Variants in NAALADL2 observed in about 807,000 individuals in gnomAD.
NAALADL2 encodes N-acetylated alpha-linked acidic dipeptidase like 2.
NAALADL2 carries 76 observed loss-of-function variants against 87.2 expected under a neutral mutation model. That is an observed-to-expected ratio of 0.87 (90% confidence interval 0.72 to 1.05). NAALADL2 has a LOEUF of 1.05. Among genes scored for constraint, NAALADL2 ranks in the 50% least tolerant of loss-of-function variants. The probability of loss-of-function intolerance (pLI) is 0.00; values close to 1 mark genes in which losing one functional copy is unlikely to be tolerated. For synonymous variants in NAALADL2, 354 were observed against 331.0 expected, an observed-to-expected ratio of 1.07 and a Z score of -0.75; for missense variants, 1,089 against 945.8, an observed-to-expected ratio of 1.15 and a Z score of -1.99.
chr3:175,697,872 TAC>T (rs1738128157), intron 11 of NAALADL2, among the ~76,000 whole-genome samples: 1 of 113,950 alleles, frequency 8.8e-6, no homozygotes, highest in Admixed American at 9.5e-5. Flanking sequence ...TATGTATGTA[TAC>T]ATATATATGT....
At chr3:174,972,923 G>A (rs903658279) in intron 1 of NAALADL2, among the ~76,000 whole-genome samples, 1 of 151,164 alleles carries the variant, frequency 6.6e-6, no homozygotes, top group African/African-American at 2.4e-5. Flanking sequence ...TTGAACCTGG[G>A]AGGCGGAGGT....
chr3:175,078,355 G>T (rs1480048442), intron 1 of NAALADL2, among the ~76,000 whole-genome samples: 4 of 152,010 alleles, frequency 2.6e-5, no homozygotes, highest in Admixed American at 2.6e-4. Flanking sequence ...TTACGTTTAG[G>T]AAAGAAAGTT....
intron 1 of NAALADL2, among the ~76,000 whole-genome samples, chr3:175,042,092 A>T: frequency 6.6e-6 from 1 of 151,980 alleles, no homozygotes; most frequent in East Asian, 1.9e-4. Flanking sequence ...CCAACTCCTA[A>T]CCCAGGGCAA....
At chr3:175,555,500 T>TA (rs1216909793) in intron 9 of NAALADL2, among the ~76,000 whole-genome samples, 2 of 152,176 alleles carry the variant, frequency 1.3e-5, no homozygotes, top group Non-Finnish European at 2.9e-5. Flanking sequence ...AAACAATATA[T>TA]TCCTTATCAT....
At chr3:174,580,816 G>A (rs1307427962) in intron 2 of NAALADL2, among the ~76,000 whole-genome samples, 1 of 152,098 alleles carries the variant, frequency 6.6e-6, no homozygotes, top group Non-Finnish European at 1.5e-5. Flanking sequence ...ATTTTTTACA[G>A]ACATACACTT....
At chr3:175,406,972 G>A (rs1336197268) in intron 5 of NAALADL2, among the ~76,000 whole-genome samples, 1 of 152,050 alleles carries the variant, frequency 6.6e-6, no homozygotes, top group Admixed American at 6.6e-5. Context: ...TCAGAGATCA[G>A]GATTTCAAGA....
intron 11 of NAALADL2, among the ~76,000 whole-genome samples, chr3:175,636,984 T>C (rs765985030): frequency 4.9e-4 from 75 of 152,246 alleles, no homozygotes; most frequent in Non-Finnish European, 9.3e-4. Context: ...ATTTAATTCA[T>C]CACCCAAGAA....
intron 4 of NAALADL2, among the ~76,000 whole-genome samples, chr3:175,320,367 G>A (rs1205505942): frequency 6.6e-6 from 1 of 152,160 alleles, no homozygotes; most frequent in Non-Finnish European, 1.5e-5. Context: ...TGTCTCAAAT[G>A]ACAGGGTCTA....
At chr3:175,152,765 G>A (rs1731730662) in intron 2 of NAALADL2, among the ~76,000 whole-genome samples, 2 of 151,930 alleles carry the variant, frequency 1.3e-5, no homozygotes, top group Admixed American at 6.6e-5. Flanking sequence ...AAATTAGCTG[G>A]GCTTGGTGGC....
intron 2 of NAALADL2, among the ~76,000 whole-genome samples, chr3:175,230,886 A>C (rs13065302): frequency 0.28 from 42,983 of 151,894 alleles, 7,634 homozygotes; most frequent in African/African-American, 0.49. Flanking sequence ...ACACAGGTGC[A>C]TACCTTATGG....
At chr3:175,329,049 T>G (rs1761095189) in intron 5 of NAALADL2, among the ~76,000 whole-genome samples, 1 of 152,198 alleles carries the variant, frequency 6.6e-6, no homozygotes, top group Admixed American at 6.5e-5. Flanking sequence ...CTGAATTCTG[T>G]GTTGACTACA....
At chr3:175,521,558 T>C (rs927390588) in intron 9 of NAALADL2, among the ~76,000 whole-genome samples, 1 of 152,124 alleles carries the variant, frequency 6.6e-6, no homozygotes, top group Non-Finnish European at 1.5e-5. Flanking sequence ...TATTTGGAAA[T>C]AGTCTTTGCA....
chr3:175,416,282 A>T (rs1302686008), intron 5 of NAALADL2, among the ~76,000 whole-genome samples: 1 of 152,186 alleles, frequency 6.6e-6, no homozygotes, highest in Non-Finnish European at 1.5e-5. Flanking sequence ...TAATATTTAC[A>T]GTGTTGTGTT....
chr3:174,535,180 A>G (rs775801638), intron 1 of NAALADL2, among the ~76,000 whole-genome samples: 34 of 152,194 alleles, frequency 2.2e-4, no homozygotes, highest in Non-Finnish European at 3.7e-4. Context: ...TTTCCAACAC[A>G]AGATCTTAGA....
intron 4 of NAALADL2, among the ~76,000 whole-genome samples, chr3:175,308,938 A>G (rs1034003160): frequency 3.3e-5 from 5 of 152,188 alleles, no homozygotes; most frequent in African/African-American, 7.2e-5. Flanking sequence ...CCCCTATAAA[A>G]GAAGCTAGCA....
chr3:175,136,345 T>G (rs899438879), intron 2 of NAALADL2, among the ~76,000 whole-genome samples: 9 of 152,210 alleles, frequency 5.9e-5, no homozygotes, highest in African/African-American at 2.2e-4. Context: ...GGTGTCACTG[T>G]GTCTAGCTTA....
chr3:175,037,656 G>T (rs1020866434), intron 1 of NAALADL2, among the ~76,000 whole-genome samples: 1 of 152,104 alleles, frequency 6.6e-6, no homozygotes, highest in Non-Finnish European at 1.5e-5. Flanking sequence ...CCTGGACCTG[G>T]AGTTCTCTGT....
intron 2 of NAALADL2, among the ~76,000 whole-genome samples, chr3:174,649,706 A>G (rs1724161019): frequency 6.6e-6 from 1 of 152,100 alleles, no homozygotes; most frequent in Non-Finnish European, 1.5e-5. Context: ...ATCATCCCCA[A>G]ATTCCTTTAT....
At chr3:175,607,578 C>G (rs555040699) in intron 10 of NAALADL2, among the ~76,000 whole-genome samples, 32 of 152,008 alleles carry the variant, frequency 2.1e-4, no homozygotes, top group African/African-American at 7.5e-4. Context: ...CTTACTAGTT[C>G]CTGTTTTTTC....
Sources: allele counts gnomAD v4.1 joint callset (sites outside exome capture counted in the v4.1 genomes callset), GRCh38; gene constraint gnomAD v4.1.1; transcripts MANE v1.5; gene names NCBI Gene and HGNC (gene_info 2026-07-23, HGNC 2026-07-21).